Variants in TENM2 observed in about 807,000 individuals in gnomAD.
The protein encoded by TENM2 is teneurin transmembrane protein 2.
Under a neutral mutation model 245.2 loss-of-function variants are expected in TENM2, and 52 were observed. The ratio of observed to expected loss-of-function variants is 0.21; its 90% CI spans 0.17 to 0.27. TENM2 has a LOEUF of 0.27. TENM2 is among the 10% of genes least tolerant of loss of function. TENM2 has a pLI of 1.00. For missense variants in TENM2, 3,046 were observed against 3,666.8 expected (o/e 0.83, Z 4.37); for synonymous variants, 1,363 against 1,438.9 (o/e 0.95, Z 1.19).
chr5:167,916,408 G>A (rs774454874), intron 3 of TENM2, among the ~76,000 whole-genome samples: 1 of 151,970 alleles, frequency 6.6e-6, no homozygotes, highest in Non-Finnish European at 1.5e-5. Flanking sequence ...AATCAGATCG[G>A]TGAGAAGCAG....
At chr5:168,144,405 C>T (rs1275048334) in intron 12 of TENM2, among the ~76,000 whole-genome samples, 1 of 151,978 alleles carries the variant, frequency 6.6e-6, no homozygotes, top group Non-Finnish European at 1.5e-5. Flanking sequence ...TGTTCAATTC[C>T]CACCTGTAAG....
the TENM2 span, among the ~76,000 whole-genome samples, chr5:167,127,443 A>C: frequency 6.6e-6 from 1 of 152,160 alleles, no homozygotes; most frequent in Non-Finnish European, 1.5e-5. Flanking sequence ...TCAGTAGTAC[A>C]TCCCCACCTG....
intron 12 of TENM2, among the ~76,000 whole-genome samples, chr5:168,157,923 T>C (rs966302563): frequency 6.6e-6 from 1 of 151,950 alleles, no homozygotes; most frequent in Non-Finnish European, 1.5e-5. Flanking sequence ...TTGTTGGTGT[T>C]GTTGTTGTTG....
At chr5:167,673,594 A>G (rs1756108887) in intron 2 of TENM2, among the ~76,000 whole-genome samples, 1 of 152,144 alleles carries the variant, frequency 6.6e-6, no homozygotes, top group African/African-American at 2.4e-5. Flanking sequence ...TTGTAGTAGC[A>G]TAGGAGGATA....
At chr5:168,094,729 C>G (rs1037055924) in intron 8 of TENM2, among the ~76,000 whole-genome samples, 1 of 151,752 alleles carries the variant, frequency 6.6e-6, no homozygotes, top group Non-Finnish European at 1.5e-5. Flanking sequence ...AGCATGCAAC[C>G]CAGATCCCTC....
At chr5:167,030,099 G>A in the TENM2 span, among the ~76,000 whole-genome samples, 1 of 152,092 alleles carries the variant, frequency 6.6e-6, no homozygotes, top group East Asian at 1.9e-4. Flanking sequence ...CGCTGACAAC[G>A]TCCTCATCCT....
chr5:167,101,832 C>CATTTATATATATAT, the TENM2 span, among the ~76,000 whole-genome samples: 14 of 53,968 alleles, frequency 2.6e-4, no homozygotes, highest in African/African-American at 8.4e-4. Context: ...GGGCTCTTGA[C>CATTTATATATATAT]ATTTATATAT....
chr5:167,556,462 G>A (rs1200678590), intron 2 of TENM2, among the ~76,000 whole-genome samples: 1 of 150,536 alleles, frequency 6.6e-6, no homozygotes, highest in African/African-American at 2.4e-5. Flanking sequence ...TCAAAATTCA[G>A]CGTGTACGTT....
chr5:167,578,429 T>C (rs949293208), intron 2 of TENM2, among the ~76,000 whole-genome samples: 1 of 152,248 alleles, frequency 6.6e-6, no homozygotes, highest in African/African-American at 2.4e-5. Context: ...CTTCGTATTA[T>C]AATTATTGCA....
At chr5:167,654,589 A>G (rs1473687712) in intron 2 of TENM2, among the ~76,000 whole-genome samples, 2 of 148,260 alleles carry the variant, frequency 1.3e-5, no homozygotes, top group East Asian at 3.9e-4. Context: ...TATCTCATTC[A>G]CTTTTTTTTT....
chr5:167,405,799 C>CAT (rs1328597390), intron 2 of TENM2, among the ~76,000 whole-genome samples: 1 of 151,440 alleles, frequency 6.6e-6, no homozygotes, highest in Admixed American at 6.6e-5. Flanking sequence ...CACACACACA[C>CAT]GCACACAGAG....
rs78633831 is a variant in TENM2, at chr5:167,754,229, C to T, written c.503-121757C>T. ...GGAGAGAGATCTCTGCTTTATTGGCCCTTTGCACGTTAGGAAACACAATAA... is the reference window on the plus strand; with the variant it reads ...GGAGAGAGATCTCTGCTTTATTGGCTCTTTGCACGTTAGGAAACACAATAA... On this transcript the variant is annotated intron_variant, in intron 2 of 28. Transcript: ENST00000518659. 8.5e-5 allele frequency among the ~76,000 whole-genome samples: 13 copies of T among 152,118 alleles called. No individual in the cohort carries two copies. In the East Asian group the frequency reaches 2.3e-3, roughly 27 times the overall value.
the TENM2 span, among the ~76,000 whole-genome samples, chr5:167,010,873 ATGTTAGG>A: frequency 6.6e-6 from 1 of 152,232 alleles, no homozygotes; most frequent in Non-Finnish European, 1.5e-5. Context: ...TGATCAACAA[ATGTTAGG>A]TATTAATATG....
rs899935795 is a variant in TENM2, at chr5:168,175,057, G to A, written c.2569+12300G>A. On this transcript the variant is annotated intron_variant, in intron 13 of 28. Coordinates refer to ENST00000518659, the Ensembl canonical transcript of TENM2. ...CAGACTTTGGAATCAGACGGACCTA[G>A]CTGTACATTCTGACTCAGGTTCTTA... Among the ~76,000 whole-genome samples, 3 of 152,178 alleles carry A rather than the reference G, an allele frequency of 2.0e-5. No homozygotes were observed. The East Asian group carries it at 5.8e-4, about 29-fold the overall frequency.
chr5:167,688,750 T>C (rs1757236451), intron 2 of TENM2, among the ~76,000 whole-genome samples: 1 of 152,178 alleles, frequency 6.6e-6, no homozygotes, highest in South Asian at 2.1e-4. Context: ...TGGGACTAGG[T>C]GGTAATTTTT....
the TENM2 span, among the ~76,000 whole-genome samples, chr5:166,983,888 G>T: frequency 6.6e-6 from 1 of 151,972 alleles, no homozygotes; most frequent in Non-Finnish European, 1.5e-5. Context: ...ATTTAGTTCT[G>T]CTACAGGTTT....
chr5:167,005,522 A>G, the TENM2 span, among the ~76,000 whole-genome samples: 1 of 152,010 alleles, frequency 6.6e-6, no homozygotes, highest in Non-Finnish European at 1.5e-5. Context: ...AATAATGCGT[A>G]CTATACTGAA....
chr5:167,410,656 A>G (rs1762859801), intron 2 of TENM2, among the ~76,000 whole-genome samples: 1 of 152,062 alleles, frequency 6.6e-6, no homozygotes, highest in Admixed American at 6.6e-5. Context: ...CTTCCTTGGT[A>G]TGCATAAAGC....
intron 2 of TENM2, among the ~76,000 whole-genome samples, chr5:167,402,240 T>C (rs1240261593): frequency 6.6e-6 from 1 of 152,170 alleles, no homozygotes; most frequent in Non-Finnish European, 1.5e-5. Context: ...TAAAAGGTTG[T>C]TGTGGGATTA....
Sources: allele counts gnomAD v4.1 joint callset (sites outside exome capture counted in the v4.1 genomes callset), GRCh38; gene constraint gnomAD v4.1.1; transcripts MANE v1.5; gene names NCBI Gene and HGNC (gene_info 2026-07-23, HGNC 2026-07-21).